The following PALLD variants were observed in gnomAD, a reference collection of about 807,000 sequenced individuals.
The protein encoded by PALLD is palladin, cytoskeletal associated protein, also known as palladin.
PALLD carries 61 observed loss-of-function variants against 123.5 expected under a neutral mutation model. The ratio of observed to expected loss-of-function variants is 0.49; its 90% CI spans 0.40 to 0.61. The LOEUF is 0.61. Ranked by LOEUF, PALLD falls within the 20% of genes least tolerant of loss-of-function variation. The pLI, the probability that PALLD is intolerant of heterozygous loss-of-function variation, is 0.00. For missense variants in PALLD, 1,273 were observed against 1,377.0 expected (o/e 0.92, Z 1.20); for synonymous variants, 465 against 496.4 (o/e 0.94, Z 0.84).
intron 2 of PALLD, among the ~76,000 whole-genome samples, chr4:168,579,520 T>TAA (rs1258442700): frequency 6.6e-6 from 1 of 152,062 alleles, no homozygotes; most frequent in African/African-American, 2.4e-5. Flanking sequence ...TCTAGTTAGG[T>TAA]AAACAAGCAT....
At chr4:168,814,520 A>C (rs185933498) in intron 10 of PALLD, among the ~76,000 whole-genome samples, 106 of 152,276 alleles carry the variant, frequency 7.0e-4, no homozygotes, top group Non-Finnish European at 1.0e-3. Flanking sequence ...TACTTTATAG[A>C]TGTGGAAAAT....
intron 3 of PALLD, among the ~76,000 whole-genome samples, chr4:168,672,327 G>C (rs1251964396): frequency 6.6e-6 from 1 of 152,112 alleles, no homozygotes; most frequent in Non-Finnish European, 1.5e-5. Flanking sequence ...TAGTGGTATG[G>C]AACATTAGAA....
intron 15 of PALLD, among the ~76,000 whole-genome samples, chr4:168,913,298 G>A (rs190984499): frequency 3.3e-5 from 5 of 151,788 alleles, no homozygotes; most frequent in Non-Finnish European, 5.9e-5. Context: ...CACCACGCCC[G>A]GCTAATTTTT....
chr4:168,640,108 T>C (rs1345857773), intron 2 of PALLD, among the ~76,000 whole-genome samples: 1 of 152,192 alleles, frequency 6.6e-6, no homozygotes, highest in Non-Finnish European at 1.5e-5. Flanking sequence ...TGTGCTTCCG[T>C]TGGTGCGGCC....
At chr4:168,905,154 T>TG (rs1757409514) in intron 15 of PALLD, among the ~76,000 whole-genome samples, 1 of 135,596 alleles carries the variant, frequency 7.4e-6, no homozygotes, top group Non-Finnish European at 1.6e-5. Context: ...TTTTTTTTTT[T>TG]TTTTTTTTTT....
intron 10 of PALLD, among the ~76,000 whole-genome samples, chr4:168,817,399 A>G (rs1742123662): frequency 6.6e-6 from 1 of 152,236 alleles, no homozygotes; most frequent in Admixed American, 6.5e-5. Context: ...ACACTGAATT[A>G]TAACTGTATC....
intron 2 of PALLD, chr4:168,654,944 T>G (rs541344777): frequency 6.6e-6 from 1 of 151,836 alleles, no homozygotes; most frequent in Admixed American, 6.6e-5. Context: ...ATTCAAGGAG[T>G]GTGTCAGATG....
chr4:168,636,983 A>G (rs1489835365), intron 2 of PALLD, among the ~76,000 whole-genome samples: 1 of 152,098 alleles, frequency 6.6e-6, no homozygotes, highest in Non-Finnish European at 1.5e-5. Context: ...TTAGAAAGGA[A>G]GTCTGTAAGA....
intron 2 of PALLD, among the ~76,000 whole-genome samples, chr4:168,641,629 T>C (rs1776957653): frequency 6.6e-6 from 1 of 152,186 alleles, no homozygotes; most frequent in African/African-American, 2.4e-5. Flanking sequence ...AGGTCTTAGA[T>C]ATGCTCTCAC....
intron 10 of PALLD, chr4:168,712,281 A>G: frequency 2.9e-6 from 1 of 350,316 alleles, no homozygotes; most frequent in Non-Finnish European, 5.4e-6. Flanking sequence ...AAAAGTGAGT[A>G]TAAGTACTTT....
At chr4:168,910,617 C>G (rs575030187) in intron 15 of PALLD, among the ~76,000 whole-genome samples, 1 of 152,054 alleles carries the variant, frequency 6.6e-6, no homozygotes, top group African/African-American at 2.4e-5. Flanking sequence ...CAATGCTGCC[C>G]GGTGCTTTAC....
At chr4:168,675,290 A>G (rs1022912211) in intron 3 of PALLD, among the ~76,000 whole-genome samples, 1 of 152,260 alleles carries the variant, frequency 6.6e-6, no homozygotes, top group Non-Finnish European at 1.5e-5. Flanking sequence ...GGTAGGGAAG[A>G]GAACCAGCGT....
At chr4:168,849,371 G>A (rs958485497) in intron 10 of PALLD, among the ~76,000 whole-genome samples, 1 of 152,256 alleles carries the variant, frequency 6.6e-6, no homozygotes, top group Non-Finnish European at 1.5e-5. Flanking sequence ...ATAAACTCCA[G>A]TAGGAGAAGA....
chr4:168,812,509 A>G lies in PALLD; in HGVS notation c.1965-78413A>G, dbSNP rs573096771. On this transcript the variant is annotated intron_variant, in intron 10 of 21. Transcript: ENST00000505667. Reference sequence around the variant, plus strand: ...AGGGAGTTGGGCAGAAAGTTTAGCAAAGAAGCCTCCAGGATGGCAATCTGA... The same window carrying G: ...AGGGAGTTGGGCAGAAAGTTTAGCAGAGAAGCCTCCAGGATGGCAATCTGA... 7.7e-4 allele frequency among the ~76,000 whole-genome samples: 118 copies of G among 152,328 alleles called. 1 individual carries two copies. The highest frequency in any genetic ancestry group is 2.7e-3 in the African/African-American group (113 of 41,570).
In PALLD at chr4:168,891,195, C is replaced by A. The variant is rs1237629560; in HGVS notation, c.2100+138C>A. 4.3e-6 allele frequency: 4 copies of A among 922,388 alleles called. No individual in the cohort carries two copies. In the Admixed American group the frequency reaches 6.0e-5, roughly 14 times the overall value. 57.1% of individuals were successfully genotyped at this position (922,388 alleles called of 1,614,324 possible). ...TTATTATTTTTGAGACAGGGTCACA[C>A]TTTGTCACCCATGCTGGAGTGCAAT... is the stretch of plus-strand genomic sequence containing the variant. On this transcript the variant is annotated intron_variant, in intron 11 of 21. Coordinates refer to ENST00000505667, the MANE Select transcript of PALLD (RefSeq NM_001166108.2).
intron 10 of PALLD, among the ~76,000 whole-genome samples, chr4:168,769,594 T>C (rs750028485): frequency 7.2e-5 from 11 of 152,216 alleles, no homozygotes; most frequent in Non-Finnish European, 1.5e-4. Flanking sequence ...GGACAGTTTC[T>C]GCTCCAGACT....
intron 10 of PALLD, among the ~76,000 whole-genome samples, chr4:168,874,027 A>G (rs1443006172): frequency 6.6e-6 from 1 of 152,196 alleles, no homozygotes; most frequent in South Asian, 2.1e-4. Context: ...CCCCTGCAAT[A>G]AGTAAAACAT....
At chr4:168,803,522 C>A (rs62334335) in intron 10 of PALLD, among the ~76,000 whole-genome samples, 25,364 of 151,798 alleles carry the variant, frequency 0.17, 2,242 homozygotes, top group East Asian at 0.22. Flanking sequence ...CTGTCTCTAC[C>A]AATAATCAAA....
intron 2 of PALLD, among the ~76,000 whole-genome samples, chr4:168,624,773 C>T (rs1005750651): frequency 3.3e-5 from 5 of 151,948 alleles, no homozygotes; most frequent in Non-Finnish European, 7.4e-5. Flanking sequence ...TGCTTATATC[C>T]AGCTAGAAGA....
Sources: allele counts gnomAD v4.1 joint callset (sites outside exome capture counted in the v4.1 genomes callset), GRCh38; gene constraint gnomAD v4.1.1; transcripts MANE v1.5; gene names NCBI Gene and HGNC (gene_info 2026-07-23, HGNC 2026-07-21).